Variants in NUP93 observed in about 807,000 individuals in gnomAD.
The protein encoded by NUP93 is nucleoporin 93, also known as nuclear pore complex protein Nup93.
A neutral mutation model predicts 107.8 loss-of-function variants in NUP93; 55 were observed. That is an observed-to-expected ratio of 0.51 (90% confidence interval 0.41 to 0.64). NUP93 has a LOEUF of 0.64. Ranked by LOEUF, NUP93 falls within the 30% of genes least tolerant of loss-of-function variation. NUP93 has a pLI of 0.00. For missense variants in NUP93, 937 were observed against 1,044.7 expected (o/e 0.90, Z 1.42); for synonymous variants, 390 against 397.5 (o/e 0.98, Z 0.22).
Position 56,839,002 on chromosome 16 carries a change from A to G in NUP93, c.2069A>G (p.Tyr690Cys), listed in dbSNP as rs777069106. ...SANKFVDSTFYLLLDLITFFD... is the reference protein window; with the variant it reads ...SANKFVDSTFCLLLDLITFFD... The stretch of plus-strand genomic sequence containing the variant: ...AATAAATTTGTGGACTCCACGTTCT[A>G]TCTTCTTTTGGACTTGATCACCTTT... Residue 690 changes from tyrosine (Y) to cysteine (C), a missense_variant, in exon 19 of 22, where the codon TAT becomes TGT. Coordinates refer to ENST00000308159, the MANE Select transcript of NUP93 (RefSeq NM_014669.5). 12 of 1,614,070 alleles carry G rather than the reference A, an allele frequency of 7.4e-6. No homozygotes were observed. The highest frequency in any genetic ancestry group is 3.3e-5 in the South Asian group (3 of 91,086).
chr16:56,735,689 A>T (rs1400411180), intron 1 of NUP93, among the ~76,000 whole-genome samples: 2 of 152,066 alleles, frequency 1.3e-5, no homozygotes, highest in Non-Finnish European at 2.9e-5. Flanking sequence ...TTAGCTGGGC[A>T]TGGTGGTGCG....
chr16:56,845,072 T>G lies in NUP93; in HGVS notation c.*463T>G. 1 of 221,470 alleles carries G rather than the reference T, an allele frequency of 4.5e-6. No homozygotes were observed. The highest frequency in any genetic ancestry group is 9.0e-6 in the Non-Finnish European group (1 of 111,426). 13.7% of individuals were successfully genotyped at this position (221,470 alleles called of 1,614,324 possible). A position where few individuals can be genotyped will look rare whatever the true frequency, so the allele number is the denominator to read the frequency against. On this transcript the variant is annotated 3_prime_UTR_variant, in exon 22 of 22. Transcript: ENST00000308159. Reference sequence around the variant, plus strand: ...TCAGCCTTAGAAGATGTAAGATTTGTGTGTGAAATATCAAGCACTCCATGT... The same window carrying G: ...TCAGCCTTAGAAGATGTAAGATTTGGGTGTGAAATATCAAGCACTCCATGT...
intron 3 of NUP93, among the ~76,000 whole-genome samples, chr16:56,770,526 C>G (rs189810090): frequency 7.9e-5 from 12 of 152,224 alleles, no homozygotes; most frequent in African/African-American, 2.6e-4. Context: ...TCCGCCACCC[C>G]CTCCAGTCAC....
chr16:56,778,186 G>A (rs539839734), intron 3 of NUP93, among the ~76,000 whole-genome samples: 1 of 152,312 alleles, frequency 6.6e-6, no homozygotes, highest in East Asian at 1.9e-4. Context: ...AATGAATTCT[G>A]GGGTAGTTGG....
chr16:56,778,005 A>C (rs1596791772), intron 3 of NUP93, among the ~76,000 whole-genome samples: 3 of 152,320 alleles, frequency 2.0e-5, no homozygotes, highest in Admixed American at 2.0e-4. Flanking sequence ...GAATAAATAC[A>C]AATTCTGGAT....
chr16:56,758,126 T>C (rs1962060075), intron 2 of NUP93, among the ~76,000 whole-genome samples: 1 of 152,078 alleles, frequency 6.6e-6, no homozygotes, highest in Non-Finnish European at 1.5e-5. Context: ...GTCCTGCCTC[T>C]GCCACTTCCT....
intron 3 of NUP93, among the ~76,000 whole-genome samples, chr16:56,761,129 C>T (rs1013480309): frequency 1.3e-5 from 2 of 152,204 alleles, no homozygotes; most frequent in Non-Finnish European, 2.9e-5. Flanking sequence ...AATAAGTTCT[C>T]TGTTCACTTC....
intron 8 of NUP93, among the ~76,000 whole-genome samples, chr16:56,826,643 C>T (rs1239833407): frequency 2.0e-5 from 3 of 151,598 alleles, no homozygotes; most frequent in East Asian, 1.9e-4. Context: ...AAAAATAAGA[C>T]GTGAAAAAGG....
chr16:56,734,963 A>G (rs1160353961), intron 1 of NUP93, among the ~76,000 whole-genome samples: 5 of 151,914 alleles, frequency 3.3e-5, no homozygotes, highest in African/African-American at 4.8e-5. Context: ...CTGCTGAAAA[A>G]CCTGTGTACC....
Position 56,836,625 on chromosome 16 carries a change from A to C in NUP93, c.1807A>C (p.Ser603Arg), listed in dbSNP as rs1963917520. ...GCCTGGAGTCATAGATAAGTTTACT[A>C]GTGACACAAAGCCTATTATCAACAA... ...RKPGVIDKFT[S>R]DTKPIINKVA... Residue 603 changes from serine (S) to arginine (R), a missense_variant, in exon 17 of 22, where the codon AGT (serine) becomes CGT (arginine). Coordinates refer to ENST00000308159, the MANE Select transcript of NUP93 (RefSeq NM_014669.5). The C allele has an allele frequency of 6.2e-7, 1 of 1,612,688 alleles. No homozygotes were observed. The highest frequency in any genetic ancestry group is 8.5e-7 in the Non-Finnish European group (1 of 1,178,864).
chr16:56,824,414 C>T (rs1183413194), intron 8 of NUP93, among the ~76,000 whole-genome samples: 6 of 152,172 alleles, frequency 3.9e-5, no homozygotes, highest in Admixed American at 3.3e-4. Flanking sequence ...CCTTTGTGCC[C>T]GAAGTATTGT....
intron 1 of NUP93, among the ~76,000 whole-genome samples, chr16:56,744,114 G>A (rs1283657917): frequency 1.3e-5 from 2 of 152,180 alleles, no homozygotes; most frequent in Non-Finnish European, 1.5e-5. Flanking sequence ...TGGTTTCTTA[G>A]TGTTGCTTCT....
Position 56,818,734 on chromosome 16 carries a change from G to T in NUP93, c.560G>T (p.Arg187Leu). 1.2e-6 allele frequency: 2 copies of T among 1,613,492 alleles called. No individual in the cohort carries two copies. Among genetic ancestry groups the T allele is most frequent in the Non-Finnish European group, 1.7e-6 (2 of 1,179,472 alleles). Residue 187 changes from arginine to leucine, a missense_variant, in exon 6 of 22, where the codon CGG (arginine) becomes CTG (leucine). Coordinates refer to ENST00000308159, the MANE Select transcript of NUP93 (RefSeq NM_014669.5). ...GATAACATCGAGATGGCCTATGCGC[G>T]GCAAGTGAGTGTGATTTTAAGGGGG... ...SLDNIEMAYA[R>L]QIYIYNEKIV...
chr16:56,837,558 T>G, intron 17 of NUP93, 50 bp from the exon 18 acceptor site: 1 of 1,118,978 alleles, frequency 8.9e-7, no homozygotes, highest in Middle Eastern at 2.4e-4. Flanking sequence ...AGTTGTTCCT[T>G]TTATTGATTA....
chr16:56,834,104 C>A (rs1287488465), intron 13 of NUP93, 24 bp from the exon 14 acceptor site: 28 of 1,613,662 alleles, frequency 1.7e-5, no homozygotes, highest in Non-Finnish European at 2.4e-5. Flanking sequence ...GTGGTTGTGA[C>A]CCATTCTGAC....
At chr16:56,756,307 C>CTG (rs1478876865) in intron 2 of NUP93, among the ~76,000 whole-genome samples, 1 of 95,170 alleles carries the variant, frequency 1.1e-5, no homozygotes, top group Non-Finnish European at 2.3e-5. Flanking sequence ...CCCCCCCCCC[C>CTG]CCGACAGGCT....
At chr16:56,784,979 A>G (rs1019529882) in intron 3 of NUP93, among the ~76,000 whole-genome samples, 16 of 152,350 alleles carry the variant, frequency 1.1e-4, no homozygotes, top group Admixed American at 7.2e-4. Flanking sequence ...TACAAGATCC[A>G]TAAATCTGTG....
intron 10 of NUP93, 53 bp from the exon 11 acceptor site, chr16:56,831,789 T>C (rs1027890588): frequency 1.3e-6 from 2 of 1,576,164 alleles, no homozygotes; most frequent in Non-Finnish European, 1.7e-6. Flanking sequence ...TCAGATGCCC[T>C]TGAGGATTTT....
chr16:56,747,553 A>G (rs1237774631), intron 1 of NUP93, among the ~76,000 whole-genome samples: 1 of 143,010 alleles, frequency 7.0e-6, no homozygotes, highest in African/African-American at 2.6e-5. Context: ...CATGAGTATT[A>G]AAAAAAAAAA....
Sources: gnomAD v4.1 joint callset for allele counts (sites outside exome capture counted in the v4.1 genomes callset) on GRCh38, gnomAD v4.1.1 for gene constraint, MANE v1.5 for transcripts, NCBI Gene and HGNC (gene_info 2026-07-23, HGNC 2026-07-21) for gene names.